Variants in MAP3K4 observed in about 807,000 individuals in gnomAD.
MAP3K4 encodes the protein MAP three kinase 1.
In MAP3K4, 67 loss-of-function variants were observed where a neutral mutation model predicts 185.6. The observed-to-expected ratio is 0.36, with a 90% CI of 0.30 to 0.44. The LOEUF (loss-of-function observed/expected upper bound fraction) is 0.44. Among genes scored for constraint, MAP3K4 ranks in the 20% least tolerant of loss-of-function variants. MAP3K4 has a pLI of 1.00. For missense variants in MAP3K4, 1,551 were observed against 1,995.1 expected (o/e 0.78, Z 4.24); for synonymous variants, 702 against 710.4 (o/e 0.99, Z 0.19).
intron 6 of MAP3K4, among the ~76,000 whole-genome samples, chr6:161,081,431 A>G (rs1048184755): frequency 1.3e-5 from 2 of 152,120 alleles, no homozygotes; most frequent in African/African-American, 4.8e-5. Flanking sequence ...AAAAGGAAGG[A>G]GATTGTAAGT....
chr6:161,036,843 T>C (rs1345539323), intron 2 of MAP3K4, among the ~76,000 whole-genome samples: 2 of 152,198 alleles, frequency 1.3e-5, no homozygotes. Flanking sequence ...AAGGAAATGC[T>C]AATTGGAGCA....
rs974881074 is a variant in MAP3K4, at chr6:160,991,814, C to T, written c.-118C>T. 6.0e-6 allele frequency: 7 copies of T among 1,169,604 alleles called. No individual in the cohort carries two copies. The highest frequency in any genetic ancestry group is 4.9e-5 in the African/African-American group (3 of 61,450). The allele number at this position is 1,169,604 out of a possible 1,614,324, so 72.5% of individuals were successfully genotyped here. A position where few individuals can be genotyped will look rare whatever the true frequency, so the allele number is the denominator to read the frequency against. ...CAAGATGGCCGCGGCGCGCACGGCT[C>T]CTGCGGCGGGGTAGAGGCGGAGGCG... On this transcript the variant is annotated 5_prime_UTR_variant, in exon 1 of 27. Coordinates refer to ENST00000392142, the MANE Select transcript of MAP3K4 (RefSeq NM_005922.4). The surrounding 1 kb of genome is among the most constrained non-coding windows in gnomAD (Gnocchi z 5.7).
In MAP3K4 at chr6:161,084,372, G is replaced by T. The variant is rs1785595529; in HGVS notation, c.2256-129G>T. 1.0e-5 allele frequency: 6 copies of T among 595,032 alleles called. No individual in the cohort carries two copies. Among genetic ancestry groups the T allele is most frequent in the African/African-American group, 5.5e-5 (3 of 54,452 alleles). 36.9% of individuals were successfully genotyped at this position (595,032 alleles called of 1,614,324 possible). A position where few individuals can be genotyped will look rare whatever the true frequency, so the allele number is the denominator to read the frequency against. ...TCCAGGGTTTTATATTAAAAGAAGA[G>T]AAATTTTTCATTTTTGATTTTTAAA... On this transcript the variant is annotated intron_variant, in intron 6 of 26. Transcript: ENST00000392142. The surrounding 1 kb of genome is among the most constrained non-coding windows in gnomAD (Gnocchi z 4.6).
chr6:161,109,868 G>A lies in MAP3K4; in HGVS notation c.4350G>A (p.Ala1450=), dbSNP rs138952496. Residue 1450 remains alanine (A), a synonymous_variant, in exon 23 of 27, where the codon GCG becomes GCA. Transcript: ENST00000392142. This position sits in a 1 kb window ranked among gnomAD's most constrained non-coding sequence, Gnocchi z 5.7. The part of the protein sequence containing the change: ...IRLYSKQITI[A]INVLHEHGIV... ...TGTATTCAAAGCAGATCACCATTGCGATCAACGTCCTCCATGAGCATGGCA... is the reference window on the plus strand; with the variant it reads ...TGTATTCAAAGCAGATCACCATTGCAATCAACGTCCTCCATGAGCATGGCA... 3.3e-5 allele frequency: 54 copies of A among 1,614,080 alleles called. No homozygotes were observed. In the South Asian group the frequency reaches 3.8e-4, roughly 11 times the overall value.
chr6:161,024,707 C>G (rs548999960), intron 1 of MAP3K4, among the ~76,000 whole-genome samples: 1 of 152,122 alleles, frequency 6.6e-6, no homozygotes, highest in Non-Finnish European at 1.5e-5. Context: ...CATATCATAT[C>G]AGGGGCACGT....
chr6:161,029,234 GT>G (rs1429164051), intron 1 of MAP3K4, among the ~76,000 whole-genome samples: 1 of 148,918 alleles, frequency 6.7e-6, no homozygotes, highest in African/African-American at 2.5e-5. Context: ...AGTGTTTTGG[GT>G]TTTTTTGGCG....
At chr6:161,014,376 T>C (rs1252824186) in intron 1 of MAP3K4, among the ~76,000 whole-genome samples, 1 of 152,238 alleles carries the variant, frequency 6.6e-6, no homozygotes, top group African/African-American at 2.4e-5. Flanking sequence ...TGTTTTAATG[T>C]AAGTAGGTTT....
intron 1 of MAP3K4, among the ~76,000 whole-genome samples, chr6:161,021,351 C>T (rs904562396): frequency 1.3e-5 from 2 of 152,166 alleles, no homozygotes; most frequent in African/African-American, 2.4e-5. Context: ...GACTCGGATT[C>T]ACTCCGCCTG....
intron 1 of MAP3K4, among the ~76,000 whole-genome samples, chr6:161,009,814 G>A (rs1477764415): frequency 6.6e-6 from 1 of 152,090 alleles, no homozygotes; most frequent in Non-Finnish European, 1.5e-5. Context: ...AAAAGCTCCT[G>A]AGAACACATG....
At chr6:160,995,912 C>A (rs1435091838) in intron 1 of MAP3K4, among the ~76,000 whole-genome samples, 2 of 152,172 alleles carry the variant, frequency 1.3e-5, no homozygotes, top group African/African-American at 4.8e-5. Flanking sequence ...TCATTGTTCT[C>A]ATTGTCCTTA....
chr6:161,069,151 A>T (rs964483688), intron 3 of MAP3K4, among the ~76,000 whole-genome samples: 1 of 152,202 alleles, frequency 6.6e-6, no homozygotes, highest in Non-Finnish European at 1.5e-5. Context: ...TGAAGAAATC[A>T]ACCCTGAGAG....
At chr6:161,002,521 G>A (rs1781371419) in intron 1 of MAP3K4, among the ~76,000 whole-genome samples, 1 of 150,860 alleles carries the variant, frequency 6.6e-6, no homozygotes, top group South Asian at 2.1e-4. Flanking sequence ...TATCTATTAT[G>A]GAAAACTATG....
rs1364473994 is a variant in MAP3K4 at position 161,007,361 on chromosome 6, C to T, written c.152+15278C>T. 2.6e-5 allele frequency among the ~76,000 whole-genome samples: 4 copies of T among 152,080 alleles called. No individual in the cohort carries two copies. The highest frequency in any genetic ancestry group is 4.4e-5 in the Non-Finnish European group (3 of 68,018). On this transcript the variant is annotated intron_variant, in intron 1 of 26. Coordinates refer to ENST00000392142, the MANE Select transcript of MAP3K4 (RefSeq NM_005922.4). This position sits in a 1 kb window ranked among gnomAD's most constrained non-coding sequence, Gnocchi z 4.5. Reference sequence around the variant, plus strand: ...GGGAGAAACTTAGGGTTTTATAAAACGTGGGAATTACTGAGGAAGATAGAG... The same window carrying T: ...GGGAGAAACTTAGGGTTTTATAAAATGTGGGAATTACTGAGGAAGATAGAG...
At position 161,096,845 on chromosome 6, in the gene MAP3K4, A is replaced by G; in HGVS notation, c.3428-235A>G. On this transcript the variant is annotated intron_variant, in intron 15 of 26. Coordinates refer to ENST00000392142, the MANE Select transcript of MAP3K4 (RefSeq NM_005922.4). This position sits in a 1 kb window ranked among gnomAD's most constrained non-coding sequence, Gnocchi z 4.9. ...TGTATGTTTTACTCCAGGATTTTTA[A>G]AAATGTTTTTTGATGGAGAAAACTG... The G allele has an allele frequency of 2.4e-6, 1 of 419,184 alleles. No homozygotes were observed. Among genetic ancestry groups the G allele is most frequent in the Non-Finnish European group, 4.3e-6 (1 of 234,270 alleles). 26.0% of individuals were successfully genotyped at this position (419,184 alleles called of 1,614,324 possible).
At chr6:161,029,053 A>G (rs535253675) in intron 1 of MAP3K4, among the ~76,000 whole-genome samples, 34 of 152,312 alleles carry the variant, frequency 2.2e-4, no homozygotes, top group African/African-American at 7.0e-4. Flanking sequence ...TAGAAAATCT[A>G]TCCCTTCTGC....
intron 1 of MAP3K4, chr6:160,992,389 T>G: frequency 2.3e-6 from 1 of 433,410 alleles, no homozygotes; most frequent in Non-Finnish European, 4.1e-6. Context: ...AGAGTGCGGC[T>G]GCCTCCCCTG....
At chr6:161,020,029 T>C (rs12203648) in intron 1 of MAP3K4, among the ~76,000 whole-genome samples, 94,156 of 152,010 alleles carry the variant, frequency 0.62, 30,171 homozygotes, top group Admixed American at 0.73. Flanking sequence ...TGTATGTGGG[T>C]GGGTAGAGGT....
intron 1 of MAP3K4, among the ~76,000 whole-genome samples, chr6:161,001,800 C>T (rs915910517): frequency 6.6e-6 from 1 of 152,170 alleles, no homozygotes; most frequent in African/African-American, 2.4e-5. Context: ...ATAATAACAT[C>T]TTCCTAGGTT....
chr6:161,099,675 C>G (rs1196332507), intron 17 of MAP3K4, among the ~76,000 whole-genome samples: 1 of 152,202 alleles, frequency 6.6e-6, no homozygotes, highest in African/African-American at 2.4e-5. Context: ...ATTGGCCACC[C>G]TGTGCCCCCT....
Sources: gnomAD v4.1 joint callset for allele counts (sites outside exome capture counted in the v4.1 genomes callset) on GRCh38, gnomAD v4.1.1 for gene constraint, Gnocchi (gnomAD v3.1) non-coding constraint, MANE v1.5 for transcripts, NCBI Gene and HGNC (gene_info 2026-07-23, HGNC 2026-07-21) for gene names.